PATJ: variants seen among roughly 807,000 people sequenced by gnomAD.
PATJ encodes inaD-like protein.
PATJ carries 190 observed loss-of-function variants against 224.9 expected under a neutral mutation model. The ratio of observed to expected loss-of-function variants is 0.84; its 90% CI spans 0.75 to 0.95. PATJ has a LOEUF of 0.95. Among genes scored for constraint, PATJ ranks in the 40% least tolerant of loss-of-function variants. The probability of loss-of-function intolerance (pLI) is 0.00; values close to 1 mark genes in which losing one functional copy is unlikely to be tolerated. For synonymous variants in PATJ, 769 were observed against 820.3 expected, an observed-to-expected ratio of 0.94 and a Z score of 1.07; for missense variants, 2,121 against 2,270.3, an observed-to-expected ratio of 0.93 and a Z score of 1.34.
chr1:62,065,362 G>T (rs1321247895), intron 31 of PATJ, among the ~76,000 whole-genome samples: 1 of 152,150 alleles, frequency 6.6e-6, no homozygotes, highest in Non-Finnish European at 1.5e-5. Context: ...TGTAATCCCA[G>T]CACTTTGGGA....
At position 61,926,821 on chromosome 1, in the gene PATJ, C is replaced by T. The variant is rs1675273352; in HGVS notation, c.3571-909C>T. Among the ~76,000 whole-genome samples the T allele has an allele frequency of 3.3e-5, 5 of 152,174 alleles. No homozygotes were observed. The South Asian group carries it at 1.0e-3, about 31-fold the overall frequency. On this transcript the variant is annotated intron_variant, in intron 26 of 43. Coordinates refer to ENST00000642238, the MANE Select transcript of PATJ (RefSeq NM_001350145.3). The stretch of plus-strand genomic sequence containing the variant: ...TACAAGCCTGCTTTCTGTAATGGAC[C>T]ACTCATTGGCCACTTACTGAAGTGT...
chr1:61,998,004 T>TATATATATATATATATATA lies in PATJ; in HGVS notation c.3867+7640_3867+7641insATATATATATATATATATA, dbSNP rs1342142560. On this transcript the variant is annotated intron_variant, in intron 28 of 43. Transcript: ENST00000642238. ...AGCTTATATATGTATATATAATATA[T>TATATATATATATATATATA]TATATATATTAATTATATATAATAT... Among the ~76,000 whole-genome samples the TATATATATATATATATATA allele has an allele frequency of 4.3e-4, 45 of 104,604 alleles. 1 individual carries two copies. Among genetic ancestry groups the TATATATATATATATATATA allele is most frequent in the African/African-American group, 2.0e-3 (42 of 21,102 alleles). The allele number at this position is 104,604 out of a possible 152,430, so 68.6% of individuals were successfully genotyped here.
chr1:61,786,068 C>T (rs1648451334), intron 7 of PATJ, among the ~76,000 whole-genome samples: 1 of 152,208 alleles, frequency 6.6e-6, no homozygotes, highest in African/African-American at 2.4e-5. Flanking sequence ...GTCGCCCAAG[C>T]TGGAGTGCAG....
At chr1:61,851,866 C>T (rs1662860750) in intron 17 of PATJ, among the ~76,000 whole-genome samples, 1 of 151,824 alleles carries the variant, frequency 6.6e-6, no homozygotes, top group South Asian at 2.1e-4. Flanking sequence ...TAGTGAGCAA[C>T]TCAATGGAGG....
intron 42 of PATJ, among the ~76,000 whole-genome samples, chr1:62,149,806 T>C (rs1220872364): frequency 3.6e-5 from 2 of 55,332 alleles, no homozygotes; most frequent in Admixed American, 5.5e-4. Flanking sequence ...ACACTGGGAT[T>C]TTTTTTTTTT....
At chr1:61,751,117 T>G (rs903898683) in intron 1 of PATJ, among the ~76,000 whole-genome samples, 2 of 151,766 alleles carry the variant, frequency 1.3e-5, no homozygotes, top group Non-Finnish European at 2.9e-5. Flanking sequence ...TTCTCCTGCC[T>G]CAGCCTCCCG....
chr1:61,861,329 T>G (rs1012186616), intron 18 of PATJ, among the ~76,000 whole-genome samples: 1 of 138,458 alleles, frequency 7.2e-6, no homozygotes, highest in African/African-American at 2.6e-5. Context: ...TCTTTTCTTT[T>G]TTCTTTCTTT....
intron 6 of PATJ, 21 bp downstream of exon 6, chr1:61,771,647 A>T: frequency 6.6e-7 from 1 of 1,523,178 alleles, no homozygotes; most frequent in Non-Finnish European, 8.9e-7. Context: ...AATTTGAAAA[A>T]ATACTTAATT....
chr1:61,821,007 A>G (rs1449904710), intron 14 of PATJ, among the ~76,000 whole-genome samples: 3 of 152,140 alleles, frequency 2.0e-5, no homozygotes, highest in Non-Finnish European at 4.4e-5. Context: ...TGAGGAAGAA[A>G]GAAAGCACAA....
At chr1:62,056,012 G>A (rs576017360) in intron 31 of PATJ, among the ~76,000 whole-genome samples, 78 of 152,198 alleles carry the variant, frequency 5.1e-4, no homozygotes, top group African/African-American at 1.8e-3. Flanking sequence ...AGGAGAAAAT[G>A]GTGTCCCAGC....
intron 28 of PATJ, among the ~76,000 whole-genome samples, chr1:61,997,981 C>CTT (rs1445735043): frequency 0.012 from 941 of 78,386 alleles, 32 homozygotes; most frequent in African/African-American, 0.041. Flanking sequence ...CTGTGCCCAG[C>CTT]TTATATATGT....
chr1:62,087,339 C>T (rs1660136088), intron 33 of PATJ, among the ~76,000 whole-genome samples: 2 of 152,020 alleles, frequency 1.3e-5, no homozygotes, highest in African/African-American at 4.8e-5. Flanking sequence ...CTGCTTCTCT[C>T]CTCTACCAAC....
chr1:61,914,583 A>G lies in PATJ; in HGVS notation c.3493-4A>G, dbSNP rs1557869261. The G allele has an allele frequency of 3.4e-6, 5 of 1,464,976 alleles. No homozygotes were observed. The South Asian group carries it at 3.5e-5, about 10-fold the overall frequency. The allele number at this position is 1,464,976 out of a possible 1,614,324, so 90.7% of individuals were successfully genotyped here. On this transcript the variant is annotated splice_polypyrimidine_tract_variant and splice_region_variant and intron_variant, in intron 25 of 43. Transcript: ENST00000642238. Reference sequence around the variant, plus strand: ...TCCCCCCACCCCTTTTTTTGTCACCATAGGTCATTCCTAACGTACATAACA... The same window carrying G: ...TCCCCCCACCCCTTTTTTTGTCACCGTAGGTCATTCCTAACGTACATAACA...
intron 28 of PATJ, among the ~76,000 whole-genome samples, chr1:62,014,922 A>G (rs915018594): frequency 4.6e-5 from 7 of 152,182 alleles, no homozygotes; most frequent in Admixed American, 1.3e-4. Flanking sequence ...GAAGATACAA[A>G]TATAAGAAAA....
chr1:62,045,250 T>C (rs1046532728), intron 30 of PATJ, among the ~76,000 whole-genome samples: 3 of 152,126 alleles, frequency 2.0e-5, no homozygotes, highest in African/African-American at 7.2e-5. Flanking sequence ...GGAAATGTTT[T>C]TTCAATCCAC....
chr1:61,951,143 C>T (rs994146588), intron 27 of PATJ, among the ~76,000 whole-genome samples: 13 of 149,428 alleles, frequency 8.7e-5, no homozygotes, highest in African/African-American at 3.0e-4. Flanking sequence ...GTCTAAAAAG[C>T]GCACCTCTGC....
chr1:61,777,699 C>CTTTTT (rs1557626569), intron 7 of PATJ, among the ~76,000 whole-genome samples: 24 of 80,070 alleles, frequency 3.0e-4, no homozygotes, highest in Non-Finnish European at 4.5e-4. Flanking sequence ...TTCTTTCTTT[C>CTTTTT]TTTCTTTTTT....
intron 17 of PATJ, 49 bp from the exon 18 acceptor site, chr1:61,855,981 A>G (rs1295533352): frequency 2.8e-6 from 4 of 1,404,732 alleles, no homozygotes; most frequent in Non-Finnish European, 4.0e-6. Context: ...AAGGCTGCAT[A>G]TTTATTTTCA....
At chr1:61,921,269 A>G (rs1674291346) in intron 26 of PATJ, among the ~76,000 whole-genome samples, 1 of 152,160 alleles carries the variant, frequency 6.6e-6, no homozygotes, top group Non-Finnish European at 1.5e-5. Context: ...GTTTTTGCAA[A>G]AAGATGAGGA....
Sources: allele counts gnomAD v4.1 joint callset (sites outside exome capture counted in the v4.1 genomes callset), GRCh38; gene constraint gnomAD v4.1.1; transcripts MANE v1.5; gene names NCBI Gene and HGNC (gene_info 2026-07-23, HGNC 2026-07-21).